Variants in RGS5 observed in about 807,000 individuals in gnomAD.
RGS5 encodes the protein regulator of G protein signaling 5.
In RGS5, 20 loss-of-function variants were observed where a neutral mutation model predicts 18.9. The ratio of observed to expected loss-of-function variants is 1.06; its 90% CI spans 0.74 to 1.54. The LOEUF (loss-of-function observed/expected upper bound fraction) is 1.54, where lower values mean the gene tolerates loss of function less well. RGS5 is among the 40% of genes most tolerant of loss of function. The probability of loss-of-function intolerance (pLI) is 0.00; values close to 1 mark genes in which losing one functional copy is unlikely to be tolerated. For synonymous variants in RGS5, 57 were observed against 76.2 expected (o/e 0.75, Z 1.31); for missense variants, 201 against 211.8 (o/e 0.95, Z 0.32).
At chr1:163,157,411 T>C (rs1185248918) in intron 3 of RGS5, among the ~76,000 whole-genome samples, 3 of 152,212 alleles carry the variant, frequency 2.0e-5, no homozygotes, top group Non-Finnish European at 2.9e-5. Flanking sequence ...CAGTCACATA[T>C]ACTGGATGAT....
chr1:163,159,479 G>T (rs1041022848), intron 3 of RGS5, among the ~76,000 whole-genome samples: 10 of 152,042 alleles, frequency 6.6e-5, no homozygotes, highest in African/African-American at 2.2e-4. Flanking sequence ...CCCTCCATTC[G>T]GGGTCCCTGA....
intron 1 of RGS5, among the ~76,000 whole-genome samples, chr1:163,213,234 CA>C (rs905555392): frequency 1.3e-5 from 2 of 149,922 alleles, no homozygotes; most frequent in African/African-American, 2.5e-5. Context: ...TGCTTTTTTC[CA>C]AAAAAAAAGA....
At chr1:163,192,812 C>A (rs763863307) in intron 1 of RGS5, among the ~76,000 whole-genome samples, 3 of 152,216 alleles carry the variant, frequency 2.0e-5, no homozygotes, top group African/African-American at 4.8e-5. Context: ...GTGTGACCTG[C>A]ACTGTTGACC....
intron 1 of RGS5, among the ~76,000 whole-genome samples, chr1:163,309,333 G>A (rs1649790626): frequency 6.6e-6 from 1 of 152,210 alleles, no homozygotes; most frequent in African/African-American, 2.4e-5. Flanking sequence ...ATGTGATGGT[G>A]TTTGATAGCA....
chr1:163,250,466 A>G (rs957389543), intron 2 of RGS5, among the ~76,000 whole-genome samples: 1 of 152,232 alleles, frequency 6.6e-6, no homozygotes, highest in Non-Finnish European at 1.5e-5. Flanking sequence ...TTGAGTCATT[A>G]CAGCTTTGAG....
intron 1 of RGS5, among the ~76,000 whole-genome samples, chr1:163,216,018 T>C (rs942892020): frequency 2.0e-5 from 3 of 152,218 alleles, no homozygotes; most frequent in African/African-American, 7.2e-5. Context: ...AGAAGTCATG[T>C]AATGAAGGCC....
At chr1:163,246,957 T>C (rs186073531) in intron 2 of RGS5, among the ~76,000 whole-genome samples, 1 of 152,308 alleles carries the variant, frequency 6.6e-6, no homozygotes, top group East Asian at 1.9e-4. Flanking sequence ...TGGGGGCCAT[T>C]ACCCTAAGTC....
intron 2 of RGS5, among the ~76,000 whole-genome samples, chr1:163,275,685 A>G (rs1648834855): frequency 6.6e-6 from 1 of 152,208 alleles, no homozygotes; most frequent in Non-Finnish European, 1.5e-5. Context: ...TTTCAGCTTT[A>G]TAATTGCTTT....
chr1:163,177,821 C>G (rs1280646496), intron 1 of RGS5, among the ~76,000 whole-genome samples: 1 of 152,182 alleles, frequency 6.6e-6, no homozygotes, highest in African/African-American at 2.4e-5. Flanking sequence ...TCTTTAAAGA[C>G]TGTTGCCAGG....
At chr1:163,230,394 T>A (rs1647448792) in intron 2 of RGS5, among the ~76,000 whole-genome samples, 1 of 152,212 alleles carries the variant, frequency 6.6e-6, no homozygotes. Flanking sequence ...AAAAAAATGT[T>A]ATAGTGATAA....
At chr1:163,217,651 T>A, upstream of RGS5, 1 of 1,505,490 alleles carries the variant, frequency 6.6e-7, no homozygotes, top group Non-Finnish European at 8.9e-7. Context: ...TGGGCTAGTG[T>A]TCCTTAGAAT....
In RGS5 at chr1:163,147,409, G is replaced by C. The variant is rs777909194; in HGVS notation, c.479C>G (p.Ala160Gly). The change falls in exon 5 of 5, where the codon GCC (alanine) becomes GGC (glycine). Residue 160 changes from alanine (A) to glycine (G), a missense_variant. Transcript: ENST00000313961. ...SFDMAQKRIH[A>G]LMEKDSLPRF... ...AGGCAGAGAATCCTTTTCCATCAGG[G>C]CATGGATTCTTTTCTGGGCCATGTC... 1.2e-6 allele frequency: 2 copies of C among 1,612,858 alleles called. No homozygotes were observed. Among genetic ancestry groups the C allele is most frequent in the African/African-American group, 1.3e-5 (1 of 74,852 alleles).
At chr1:163,320,210 A>G (rs1650150920) in intron 1 of RGS5, among the ~76,000 whole-genome samples, 1 of 152,180 alleles carries the variant, frequency 6.6e-6, no homozygotes, top group Non-Finnish European at 1.5e-5. Context: ...CAATTTAGAC[A>G]TTTGTTGAGC....
chr1:163,175,331 G>C (rs1658500739), intron 1 of RGS5, among the ~76,000 whole-genome samples: 1 of 152,166 alleles, frequency 6.6e-6, no homozygotes, highest in African/African-American at 2.4e-5. Context: ...GGCCTATCAA[G>C]AGGGAGAATG....
At chr1:163,313,029 A>G (rs1649912456) in intron 1 of RGS5, among the ~76,000 whole-genome samples, 1 of 152,202 alleles carries the variant, frequency 6.6e-6, no homozygotes, top group Admixed American at 6.5e-5. Context: ...AAATAAAAAT[A>G]TAACAGGGTG....
At chr1:163,184,416 A>G (rs1351731951) in intron 1 of RGS5, among the ~76,000 whole-genome samples, 18 of 148,074 alleles carry the variant, frequency 1.2e-4, no homozygotes, top group East Asian at 7.9e-4. Flanking sequence ...AAAAAAAAAA[A>G]GGGAAGAACA....
intron 3 of RGS5, among the ~76,000 whole-genome samples, chr1:163,154,158 T>C (rs1657493417): frequency 6.6e-6 from 1 of 152,238 alleles, no homozygotes; most frequent in Non-Finnish European, 1.5e-5. Context: ...TTTGGCCTAA[T>C]TTTCATTTAT....
chr1:163,163,936 G>GTATA (rs1293372327), intron 2 of RGS5, among the ~76,000 whole-genome samples: 4 of 152,160 alleles, frequency 2.6e-5, no homozygotes, highest in Admixed American at 2.0e-4. Flanking sequence ...ACATGAGCAG[G>GTATA]TATACCAAAC....
intron 2 of RGS5, among the ~76,000 whole-genome samples, chr1:163,290,892 T>C (rs186515959): frequency 6.6e-6 from 1 of 152,248 alleles, no homozygotes; most frequent in African/African-American, 2.4e-5. Flanking sequence ...TGAAGTAAAT[T>C]CTTTGGATTT....
Sources: allele counts gnomAD v4.1 joint callset (sites outside exome capture counted in the v4.1 genomes callset), GRCh38; gene constraint gnomAD v4.1.1; transcripts MANE v1.5; gene names NCBI Gene and HGNC (gene_info 2026-07-23, HGNC 2026-07-21).